The following RPH3A variants were observed in gnomAD, a reference collection of about 807,000 sequenced individuals.
RPH3A encodes rabphilin-3A.
Under a neutral mutation model 102.2 loss-of-function variants are expected in RPH3A, and 48 were observed. That is an observed-to-expected ratio of 0.47 (90% confidence interval 0.37 to 0.60). The LOEUF (loss-of-function observed/expected upper bound fraction) is 0.60, where lower values mean the gene tolerates loss of function less well. Among genes scored for constraint, RPH3A ranks in the 20% least tolerant of loss-of-function variants. The probability of loss-of-function intolerance (pLI) is 0.00; values close to 1 mark genes in which losing one functional copy is unlikely to be tolerated. For missense variants in RPH3A, 781 were observed against 910.1 expected, an observed-to-expected ratio of 0.86 and a Z score of 1.83; for synonymous variants, 310 against 324.3, an observed-to-expected ratio of 0.96 and a Z score of 0.47.
At chr12:112,827,423 A>G (rs2041896763) in intron 2 of RPH3A, among the ~76,000 whole-genome samples, 1 of 152,218 alleles carries the variant, frequency 6.6e-6, no homozygotes, top group South Asian at 2.1e-4. Context: ...CTACATGGAT[A>G]TACCACATTT....
chr12:112,655,400 T>C (rs2040003974), intron 1 of RPH3A, among the ~76,000 whole-genome samples: 1 of 152,110 alleles, frequency 6.6e-6, no homozygotes, highest in Admixed American at 6.6e-5. Context: ...AAACTCAACA[T>C]CATAGTCGGG....
Position 112,765,304 on chromosome 12 carries a change from C to T in RPH3A, c.-139-26839C>T, listed in dbSNP as rs187735378. On this transcript the variant is annotated intron_variant, in intron 1 of 21. Transcript: ENST00000543106. ...TGTGTGTAAGATTGCTATTTTATGC[C>T]CAAATTCCAGTTTTCCAGAAGAAAG... Among the ~76,000 whole-genome samples the T allele has an allele frequency of 4.7e-3, 705 of 148,484 alleles. 3 individuals carry two copies. Among genetic ancestry groups the T allele is most frequent in the African/African-American group, 0.016 (632 of 40,180 alleles).
intron 19 of RPH3A, among the ~76,000 whole-genome samples, chr12:112,892,067 C>A (rs974950184): frequency 6.6e-6 from 1 of 152,180 alleles, no homozygotes; most frequent in Non-Finnish European, 1.5e-5. Flanking sequence ...CAAACAGAAT[C>A]GAGCCTGGTA....
At chr12:112,659,252 C>A (rs1296453852) in intron 1 of RPH3A, among the ~76,000 whole-genome samples, 1 of 152,178 alleles carries the variant, frequency 6.6e-6, no homozygotes, top group Non-Finnish European at 1.5e-5. Context: ...CAGGAAAGTC[C>A]TTTGGAGTGA....
chr12:112,886,176 C>G (rs1401300717), intron 16 of RPH3A, among the ~76,000 whole-genome samples: 1 of 152,108 alleles, frequency 6.6e-6, no homozygotes. Context: ...CCCTTCCTGT[C>G]CCCCAAGAAT....
At chr12:112,694,148 G>A (rs75598862) in intron 1 of RPH3A, among the ~76,000 whole-genome samples, 1,860 of 152,236 alleles carry the variant, frequency 0.012, 24 homozygotes, top group South Asian at 0.042. Context: ...CTTTGCCTGC[G>A]GTGCTCTTCC....
At chr12:112,837,302 C>T (rs191616024) in intron 4 of RPH3A, among the ~76,000 whole-genome samples, 220 of 152,126 alleles carry the variant, frequency 1.4e-3, no homozygotes, top group African/African-American at 5.1e-3. Flanking sequence ...GTGGTGGGAT[C>T]GAATGAGATG....
chr12:112,850,261 A>C (rs2042302166), intron 5 of RPH3A, among the ~76,000 whole-genome samples: 1 of 152,078 alleles, frequency 6.6e-6, no homozygotes, highest in Non-Finnish European at 1.5e-5. Context: ...CATGCAAAGG[A>C]TTATCGTGGT....
chr12:112,828,430 C>T (rs373788582), intron 3 of RPH3A, 41 bp downstream of exon 3: 13 of 1,463,088 alleles, frequency 8.9e-6, no homozygotes, highest in East Asian at 4.8e-5. Context: ...TGTTTTGAGT[C>T]GATGAGGTTT....
At chr12:112,845,756 T>C (rs534014066) in intron 4 of RPH3A, among the ~76,000 whole-genome samples, 1 of 152,194 alleles carries the variant, frequency 6.6e-6, no homozygotes, top group African/African-American at 2.4e-5. Flanking sequence ...CAGGGCCAGA[T>C]AAGGTCCGTG....
At position 112,812,651 on chromosome 12, in the gene RPH3A, A is replaced by G. The variant is rs187458189; in HGVS notation, c.-18-15650A>G. Among the ~76,000 whole-genome samples, 34 of 151,702 alleles carry G rather than the reference A, an allele frequency of 2.2e-4. No individual in the cohort carries two copies. The East Asian group carries it at 5.6e-3, about 25-fold the overall frequency. ...ATCCCAGCTTGTAGAAAGTGTGTCA[A>G]TTTCTGATTCTATCCCCTTCTCTCT... On this transcript the variant is annotated intron_variant, in intron 2 of 21. Transcript: ENST00000389385.
At chr12:112,613,972 A>G (rs550617655) in intron 1 of RPH3A, among the ~76,000 whole-genome samples, 9 of 152,300 alleles carry the variant, frequency 5.9e-5, no homozygotes, top group African/African-American at 2.2e-4. Context: ...AGGGTCAGAG[A>G]TAAGAGGAGA....
intron 5 of RPH3A, among the ~76,000 whole-genome samples, chr12:112,861,827 C>T (rs1312533680): frequency 2.6e-5 from 4 of 152,048 alleles, no homozygotes; most frequent in African/African-American, 9.7e-5. Context: ...TCCTGGGTAG[C>T]ACAGTGAAAC....
intron 5 of RPH3A, among the ~76,000 whole-genome samples, chr12:112,858,013 A>T (rs1010448240): frequency 4.3e-4 from 65 of 152,116 alleles, no homozygotes; most frequent in African/African-American, 1.5e-3. Context: ...TCATACCTGT[A>T]ATCCCAGCAC....
At chr12:112,656,222 AG>A (rs2040010693) in intron 1 of RPH3A, among the ~76,000 whole-genome samples, 1 of 152,208 alleles carries the variant, frequency 6.6e-6, no homozygotes, top group South Asian at 2.1e-4. Context: ...TTATAGATTC[AG>A]GGGGCACATG....
At chr12:112,600,340 T>C (rs1057385712) in intron 1 of RPH3A, among the ~76,000 whole-genome samples, 1 of 152,200 alleles carries the variant, frequency 6.6e-6, no homozygotes, top group Non-Finnish European at 1.5e-5. Flanking sequence ...AATGGTTCAT[T>C]ATTACCGATA....
At chr12:112,838,501 A>C (rs573879143) in intron 4 of RPH3A, among the ~76,000 whole-genome samples, 1 of 152,312 alleles carries the variant, frequency 6.6e-6, no homozygotes, top group East Asian at 1.9e-4. Flanking sequence ...GGATTCATTA[A>C]AATCCCATTC....
chr12:112,878,117 A>G (rs927024496), intron 13 of RPH3A, among the ~76,000 whole-genome samples: 25 of 152,114 alleles, frequency 1.6e-4, no homozygotes, highest in African/African-American at 5.1e-4. Context: ...GTGCACTCCC[A>G]TGGATCATGG....
chr12:112,791,333 G>C (rs987040255), upstream of RPH3A: 13 of 152,346 alleles, frequency 8.5e-5, no homozygotes, highest in African/African-American at 2.9e-4. Flanking sequence ...TGGGAGACAG[G>C]GGCTGTGAAG....
Sources: allele counts gnomAD v4.1 joint callset (sites outside exome capture counted in the v4.1 genomes callset), GRCh38; gene constraint gnomAD v4.1.1; transcripts MANE v1.5; gene names NCBI Gene and HGNC (gene_info 2026-07-23, HGNC 2026-07-21).